PDE9A: variants seen among roughly 807,000 people sequenced by gnomAD.
PDE9A encodes the protein high affinity cGMP-specific 3',5'-cyclic phosphodiesterase 9A.
A neutral mutation model predicts 87.4 loss-of-function variants in PDE9A; 60 were observed. The ratio of observed to expected loss-of-function variants is 0.69; its 90% CI spans 0.56 to 0.85. PDE9A has a LOEUF of 0.85. PDE9A is among the 40% of genes least tolerant of loss of function. The probability of loss-of-function intolerance (pLI) is 0.00; values close to 1 mark genes in which losing one functional copy is unlikely to be tolerated. For synonymous variants in PDE9A, 272 were observed against 279.4 expected, an observed-to-expected ratio of 0.97 and a Z score of 0.27; for missense variants, 665 against 779.0, an observed-to-expected ratio of 0.85 and a Z score of 1.74.
intron 4 of PDE9A, among the ~76,000 whole-genome samples, chr21:42,707,246 A>C (rs577798399): frequency 6.6e-6 from 1 of 152,322 alleles, no homozygotes; most frequent in African/African-American, 2.4e-5. Flanking sequence ...ACAGCAGAGG[A>C]TACCGGATGC....
intron 8 of PDE9A, among the ~76,000 whole-genome samples, chr21:42,746,976 G>A (rs2146940958): frequency 1.3e-5 from 2 of 152,298 alleles, no homozygotes; most frequent in African/African-American, 4.8e-5. Context: ...CAGGTAAATG[G>A]GACTCTTGCT....
chr21:42,770,596 A>G lies in PDE9A; in HGVS notation c.1591-107A>G. On this transcript the variant is annotated intron_variant, in intron 17 of 19. Coordinates refer to ENST00000291539, the MANE Select transcript of PDE9A (RefSeq NM_002606.3). ...GGCACGAGGGTGTCCAGGAGCTGGG[A>G]CTGGCCCAGAGGTTTCCGCACGGAG... 9.1e-6 allele frequency: 7 copies of G among 766,288 alleles called. No individual in the cohort carries two copies. The South Asian group carries it at 1.1e-4, about 12-fold the overall frequency. The allele number at this position is 766,288 out of a possible 1,614,324, so 47.5% of individuals were successfully genotyped here.
At chr21:42,715,107 A>G (rs931148471) in intron 4 of PDE9A, among the ~76,000 whole-genome samples, 2 of 134,534 alleles carry the variant, frequency 1.5e-5, no homozygotes, top group South Asian at 2.3e-4. Context: ...TTTCCATTTT[A>G]TTCCTTCTGC....
At chr21:42,752,505 G>A (rs2054542509) in intron 9 of PDE9A, among the ~76,000 whole-genome samples, 1 of 152,192 alleles carries the variant, frequency 6.6e-6, no homozygotes, top group Non-Finnish European at 1.5e-5. Flanking sequence ...CTGACCTCAG[G>A]TGATCCACCC....
At position 42,762,107 on chromosome 21, in the gene PDE9A, G is replaced by T. The variant is rs1347641998; in HGVS notation, c.1110G>T (p.Glu370Asp). 6.2e-7 allele frequency: 1 copy of T among 1,614,122 alleles called. No homozygotes were observed. Among genetic ancestry groups the T allele is most frequent in the Non-Finnish European group, 8.5e-7 (1 of 1,179,998 alleles). ...NNTYQINARTELAVRYNDISP... is the reference protein window; with the variant it reads ...NNTYQINARTDLAVRYNDISP... ...GGTACCAGATCAATGCCCGCACAGA[G>T]CTGGCGGTCCGCTACAATGACATCT... Residue 370 changes from glutamate to aspartate, a missense_variant, in exon 14 of 20, where the codon GAG becomes GAT. Physicochemically the swap from Glu to Asp is conservative, Grantham distance 45. Coordinates refer to ENST00000291539, the MANE Select transcript of PDE9A (RefSeq NM_002606.3).
In PDE9A at chr21:42,702,577, T is replaced by G. The variant is rs1287743105; in HGVS notation, c.262+3566T>G. Among the ~76,000 whole-genome samples the G allele has an allele frequency of 6.6e-6, 1 of 152,208 alleles. No homozygotes were observed. Among genetic ancestry groups the G allele is most frequent in the Non-Finnish European group, 1.5e-5 (1 of 68,026 alleles). On this transcript the variant is annotated intron_variant, in intron 4 of 19. Coordinates refer to ENST00000291539, the MANE Select transcript of PDE9A (RefSeq NM_002606.3). The surrounding 1 kb of genome is among the most constrained non-coding windows in gnomAD (Gnocchi z 4.9). ...CACGCTGGTTCATCATCTGGTTTTG[T>G]TTCTCCCAGTTAAGAGTGTTGGGCT...
intron 1 of PDE9A, among the ~76,000 whole-genome samples, chr21:42,683,107 C>T (rs923744686): frequency 7.2e-5 from 11 of 152,304 alleles, no homozygotes; most frequent in Admixed American, 1.3e-4. Flanking sequence ...TACAACGACA[C>T]GCATGATGCC....
chr21:42,764,721 T>A (rs1029562802), intron 14 of PDE9A, among the ~76,000 whole-genome samples: 9 of 152,358 alleles, frequency 5.9e-5, no homozygotes, highest in East Asian at 3.9e-4. Context: ...CCCACTTTTT[T>A]AAAAATATAT....
At position 42,704,458 on chromosome 21, in the gene PDE9A, A is replaced by ACG. The variant is rs1555914697; in HGVS notation, c.262+5448_262+5449insGC. On this transcript the variant is annotated intron_variant, in intron 4 of 19. Transcript: ENST00000291539. This position sits in a 1 kb window ranked among gnomAD's most constrained non-coding sequence, Gnocchi z 5.3. ...AACACACACACACACACACACACAC[A>ACG]CACACACACACAGCTTTCCTGAGAA... Among the ~76,000 whole-genome samples the ACG allele has an allele frequency of 1.4e-3, 207 of 151,332 alleles. No homozygotes were observed. Among genetic ancestry groups the ACG allele is most frequent in the African/African-American group, 4.9e-3 (201 of 41,204 alleles).
At position 42,675,118 on chromosome 21, in the gene PDE9A, T is replaced by C. The variant is rs553628930; in HGVS notation, c.70-11074T>C. On this transcript the variant is annotated intron_variant, in intron 1 of 19. Transcript: ENST00000291539. The surrounding 1 kb of genome is among the most constrained non-coding windows in gnomAD (Gnocchi z 4.3). ...GCGTTTAGGAGTGTGTAAGTGCGTGTAAGTGTGTGTCTGGCTTTCTTTCAC... is the reference window on the plus strand; with the variant it reads ...GCGTTTAGGAGTGTGTAAGTGCGTGCAAGTGTGTGTCTGGCTTTCTTTCAC... 6.6e-6 allele frequency among the ~76,000 whole-genome samples: 1 copy of C among 152,346 alleles called. No homozygotes were observed. The highest frequency in any genetic ancestry group is 2.1e-4 in the South Asian group (1 of 4,830).
chr21:42,670,699 TCACACATA>T (rs2058500420), intron 1 of PDE9A, among the ~76,000 whole-genome samples: 1 of 149,308 alleles, frequency 6.7e-6, no homozygotes, highest in South Asian at 2.1e-4. Flanking sequence ...GCTCACACAC[TCACACATA>T]CACTTACACT....
intron 4 of PDE9A, among the ~76,000 whole-genome samples, chr21:42,718,043 G>C (rs1602243503): frequency 6.6e-6 from 1 of 151,508 alleles, no homozygotes; most frequent in South Asian, 2.1e-4. Context: ...CAAGTAGCTG[G>C]GATTGCAGGT....
intron 7 of PDE9A, among the ~76,000 whole-genome samples, chr21:42,742,109 C>T (rs1022934043): frequency 2.0e-5 from 3 of 152,106 alleles, no homozygotes; most frequent in Non-Finnish European, 4.4e-5. Flanking sequence ...TGAAGTTTAA[C>T]GCTCGCTCGG....
chr21:42,704,353 C>T lies in PDE9A; in HGVS notation c.262+5342C>T, dbSNP rs920965170. On this transcript the variant is annotated intron_variant, in intron 4 of 19. Transcript: ENST00000291539. The surrounding 1 kb of genome is among the most constrained non-coding windows in gnomAD (Gnocchi z 5.3). ...CCCGCCTCTGGGTGCGTGGGGACCC[C>T]GCTCTCCAAATAGGCCAGTGTTCCA... Among the ~76,000 whole-genome samples, 4 of 151,942 alleles carry T rather than the reference C, an allele frequency of 2.6e-5. No homozygotes were observed. Among genetic ancestry groups the T allele is most frequent in the East Asian group, 3.9e-4 (2 of 5,164 alleles).
At chr21:42,762,514 T>C (rs1280281800) in intron 14 of PDE9A, among the ~76,000 whole-genome samples, 1 of 152,206 alleles carries the variant, frequency 6.6e-6, no homozygotes, top group Non-Finnish European at 1.5e-5. Flanking sequence ...AGATAAATCC[T>C]TTGTCCCTCT....
intron 7 of PDE9A, among the ~76,000 whole-genome samples, chr21:42,734,899 G>T (rs962287): frequency 0.67 from 101,383 of 152,088 alleles, 35,656 homozygotes; most frequent in East Asian, 0.91. Context: ...CTGCTGTCAC[G>T]GCCTGCTACC....
chr21:42,696,844 G>A lies in PDE9A; in HGVS notation c.219-2124G>A, dbSNP rs1216600032. On this transcript the variant is annotated intron_variant, in intron 3 of 19. Transcript: ENST00000291539. The surrounding 1 kb of genome is among the most constrained non-coding windows in gnomAD (Gnocchi z 5.1). Reference sequence around the variant, plus strand: ...GCCCAGCTGAGCACAGGCATCAGGGGCTAGAGGGGCCCTAGTCCCGATGAC... The same window carrying A: ...GCCCAGCTGAGCACAGGCATCAGGGACTAGAGGGGCCCTAGTCCCGATGAC... Among the ~76,000 whole-genome samples the A allele has an allele frequency of 6.6e-6, 1 of 152,196 alleles. No homozygotes were observed. Among genetic ancestry groups the A allele is most frequent in the African/African-American group, 2.4e-5 (1 of 41,452 alleles).
At chr21:42,654,578 C>T (rs563832860) in intron 1 of PDE9A, among the ~76,000 whole-genome samples, 2 of 152,258 alleles carry the variant, frequency 1.3e-5, no homozygotes, top group East Asian at 3.9e-4. Flanking sequence ...CCTAAAGTCC[C>T]CAGGGAAAAG....
intron 4 of PDE9A, among the ~76,000 whole-genome samples, chr21:42,707,178 A>T (rs997929558): frequency 2.6e-5 from 4 of 152,216 alleles, no homozygotes; most frequent in East Asian, 1.9e-4. Flanking sequence ...GATATTAAAA[A>T]TTTTTTTAAA....
Sources: allele counts gnomAD v4.1 joint callset (sites outside exome capture counted in the v4.1 genomes callset), GRCh38; gene constraint gnomAD v4.1.1; non-coding constraint Gnocchi (gnomAD v3.1); transcripts MANE v1.5; gene names NCBI Gene and HGNC (gene_info 2026-07-23, HGNC 2026-07-21).